Variants in NTN1 observed in about 807,000 individuals in gnomAD.
The protein encoded by NTN1 is netrin 1.
A neutral mutation model predicts 54.2 loss-of-function variants in NTN1; 11 were observed. The ratio of observed to expected loss-of-function variants is 0.20; its 90% CI spans 0.13 to 0.34. The LOEUF (loss-of-function observed/expected upper bound fraction) is 0.34, where lower values mean the gene tolerates loss of function less well. Ranked by LOEUF, NTN1 falls within the 10% of genes least tolerant of loss-of-function variation. The pLI, the probability that NTN1 is intolerant of heterozygous loss-of-function variation, is 1.00. For synonymous variants in NTN1, 371 were observed against 382.0 expected (o/e 0.97, Z 0.33); for missense variants, 740 against 893.1 (o/e 0.83, Z 2.18).
At chr17:9,052,126 C>G (rs1166276935) in intron 2 of NTN1, among the ~76,000 whole-genome samples, 7 of 152,162 alleles carry the variant, frequency 4.6e-5, no homozygotes, top group Admixed American at 2.6e-4. Context: ...GCACGCGCCA[C>G]CATGCCTGGC....
At chr17:9,045,224 C>T (rs34094467) in intron 2 of NTN1, among the ~76,000 whole-genome samples, 4,173 of 152,304 alleles carry the variant, frequency 0.027, 75 homozygotes, top group Non-Finnish European at 0.038. Flanking sequence ...GGCTCACTCC[C>T]GTCTGTACAT....
At chr17:9,143,962 T>C (rs151010677) in intron 2 of NTN1, among the ~76,000 whole-genome samples, 2 of 151,266 alleles carry the variant, frequency 1.3e-5, no homozygotes, top group Non-Finnish European at 2.9e-5. Context: ...AATGGCACAA[T>C]CTCGGCCCAC....
chr17:9,102,635 G>A (rs1002364630), intron 2 of NTN1, among the ~76,000 whole-genome samples: 3 of 151,914 alleles, frequency 2.0e-5, no homozygotes, highest in Admixed American at 2.0e-4. Context: ...ATACCCATTG[G>A]TAATGTGTCC....
chr17:9,225,316 C>T (rs1212738859), intron 6 of NTN1, among the ~76,000 whole-genome samples: 1 of 152,020 alleles, frequency 6.6e-6, no homozygotes, highest in African/African-American at 2.4e-5. Context: ...CCTGTGTGTT[C>T]AGGCAGGAGG....
At chr17:9,025,903 G>C (rs1412606816) in intron 2 of NTN1, among the ~76,000 whole-genome samples, 2 of 152,200 alleles carry the variant, frequency 1.3e-5, no homozygotes, top group Non-Finnish European at 2.9e-5. Flanking sequence ...TGGACTATCA[G>C]AGGCTCAGAT....
intron 2 of NTN1, among the ~76,000 whole-genome samples, chr17:9,035,502 C>A (rs1477717879): frequency 1.3e-5 from 2 of 152,180 alleles, no homozygotes; most frequent in African/African-American, 4.8e-5. Flanking sequence ...TGATGCACAT[C>A]TGAATGCACT....
chr17:9,108,410 G>A (rs1204552115), intron 2 of NTN1, among the ~76,000 whole-genome samples: 1 of 152,124 alleles, frequency 6.6e-6, no homozygotes, highest in Non-Finnish European at 1.5e-5. Context: ...CAGCAGAGCC[G>A]GAGTCACACG....
chr17:9,210,246 C>T (rs1275250598), intron 5 of NTN1, among the ~76,000 whole-genome samples: 1 of 152,106 alleles, frequency 6.6e-6, no homozygotes, highest in East Asian at 1.9e-4. Flanking sequence ...TTCCCTCAGA[C>T]CTTCCTGCCC....
At position 9,094,843 on chromosome 17, in the gene NTN1, G is replaced by A. The variant is rs536652994; in HGVS notation, c.1019-67970G>A. Among the ~76,000 whole-genome samples the A allele has an allele frequency of 3.3e-5, 5 of 152,152 alleles. No homozygotes were observed. In the East Asian group the frequency reaches 9.7e-4, roughly 29 times the overall value. On this transcript the variant is annotated intron_variant, in intron 2 of 6. Transcript: ENST00000173229. ...GTCTCTACTACAAATACAAAAATTA[G>A]CCAGGCATGGTGGCGCATGCCTGTA...
chr17:9,085,309 G>A (rs2142227927), intron 2 of NTN1, among the ~76,000 whole-genome samples: 1 of 152,330 alleles, frequency 6.6e-6, no homozygotes, highest in Middle Eastern at 3.4e-3. Context: ...TGGTCCTCCA[G>A]CACCCTGTCT....
At chr17:9,108,284 C>T (rs1272362972) in intron 2 of NTN1, among the ~76,000 whole-genome samples, 4 of 152,130 alleles carry the variant, frequency 2.6e-5, no homozygotes, top group African/African-American at 7.2e-5. Context: ...CAGAAGCAGG[C>T]GGTGGGGATG....
At chr17:9,180,655 A>G (rs1351346130) in intron 4 of NTN1, among the ~76,000 whole-genome samples, 1 of 152,142 alleles carries the variant, frequency 6.6e-6, no homozygotes, top group African/African-American at 2.4e-5. Context: ...GTGGGTTCAG[A>G]ACAGAAAGGA....
At chr17:9,183,919 C>T (rs761416854) in intron 5 of NTN1, among the ~76,000 whole-genome samples, 6 of 152,170 alleles carry the variant, frequency 3.9e-5, no homozygotes, top group Non-Finnish European at 7.3e-5. Context: ...AGTCCTGGTC[C>T]TGGGATCACA....
At chr17:9,148,891 A>G (rs2092320495) in intron 2 of NTN1, among the ~76,000 whole-genome samples, 1 of 151,924 alleles carries the variant, frequency 6.6e-6, no homozygotes, top group African/African-American at 2.4e-5. Context: ...AACTAAAGAG[A>G]TGAATTAAAT....
At chr17:9,089,463 CT>C (rs2092101766) in intron 2 of NTN1, among the ~76,000 whole-genome samples, 1 of 151,888 alleles carries the variant, frequency 6.6e-6, no homozygotes, top group African/African-American at 2.4e-5. Context: ...TCTCCAATTT[CT>C]ACTTTTTATA....
the NTN1 span, among the ~76,000 whole-genome samples, chr17:9,003,357 G>C: frequency 1.3e-5 from 2 of 151,842 alleles, no homozygotes; most frequent in Admixed American, 6.6e-5. The surrounding 1 kb of genome is among the most constrained non-coding windows in gnomAD (Gnocchi z 7.4). Context: ...ATCCCGGGCG[G>C]TGCGTGGAAA....
chr17:9,089,418 A>T (rs1338083550), intron 2 of NTN1, among the ~76,000 whole-genome samples: 1 of 152,072 alleles, frequency 6.6e-6, no homozygotes, highest in East Asian at 1.9e-4. Context: ...CCATCTAAAA[A>T]AAAAAAAAAA....
chr17:9,192,140 A>G (rs1475164762), intron 5 of NTN1, among the ~76,000 whole-genome samples: 1 of 152,224 alleles, frequency 6.6e-6, no homozygotes, highest in Non-Finnish European at 1.5e-5. Context: ...TTGTGTATCA[A>G]AAGGTATCCA....
At position 9,240,108 on chromosome 17, in the gene NTN1, CG is replaced by C. The variant is rs1238814621; in HGVS notation, c.*146del. ...AGGGAGGGGGCGGGGCCGCACGGCG[CG>C]GGGGGCGGGACCCTCGGCGGCCCCT... On this transcript the variant is annotated 3_prime_UTR_variant, in exon 7 of 7. Coordinates refer to ENST00000173229, the MANE Select transcript of NTN1 (RefSeq NM_004822.3). The C allele has an allele frequency of 1.3e-3, 7 of 5,234 alleles. No individual in the cohort carries two copies. The highest frequency in any genetic ancestry group is 6.4e-3 in the African/African-American group (7 of 1,098). 0.3% of individuals were successfully genotyped at this position (5,234 alleles called of 1,614,324 possible). A position where few individuals can be genotyped will look rare whatever the true frequency, so the allele number is the denominator to read the frequency against.
Sources: allele counts gnomAD v4.1 joint callset (sites outside exome capture counted in the v4.1 genomes callset), GRCh38; gene constraint gnomAD v4.1.1; non-coding constraint Gnocchi (gnomAD v3.1); transcripts MANE v1.5; gene names NCBI Gene and HGNC (gene_info 2026-07-23, HGNC 2026-07-21).